MRPL50: variants seen among roughly 807,000 people sequenced by gnomAD.
MRPL50 encodes large ribosomal subunit protein mL50.
MRPL50 carries 10 observed loss-of-function variants against 16.2 expected under a neutral mutation model. That is an observed-to-expected ratio of 0.62 (90% CI 0.38 to 1.05). The LOEUF (loss-of-function observed/expected upper bound fraction) is 1.05. MRPL50 is among the 50% of genes least tolerant of loss of function. MRPL50 has a pLI of 0.01. For missense variants in MRPL50, 213 were observed against 187.1 expected (o/e 1.14, Z -0.81); for synonymous variants, 68 against 66.8 (o/e 1.02, Z -0.09).
rs902363423 is a variant in MRPL50 at position 101,387,652 on chromosome 9, T to C, written c.*2814A>G. Reference sequence around the variant, plus strand: ...CGTTAAGAAAGGAGGGAGGAGTTTATTTTATGCAGTTTAAAACATATATTA... The same window carrying C: ...CGTTAAGAAAGGAGGGAGGAGTTTACTTTATGCAGTTTAAAACATATATTA... On this transcript the variant is annotated 3_prime_UTR_variant, in exon 2 of 2. Transcript: ENST00000374865. 7 of 152,126 alleles carry C rather than the reference T, an allele frequency of 4.6e-5. No individual in the cohort carries two copies. Among genetic ancestry groups the C allele is most frequent in the African/African-American group, 1.4e-4 (6 of 41,440 alleles). The allele number at this position is 152,126 out of a possible 1,614,324, so 9.4% of individuals were successfully genotyped here.
Position 101,390,581 on chromosome 9 carries a change from C to A in MRPL50, c.362G>T (p.Cys121Phe), listed in dbSNP as rs770341173. The A allele has an allele frequency of 6.2e-7, 1 of 1,613,370 alleles. No homozygotes were observed. The highest frequency in any genetic ancestry group is 8.5e-7 in the Non-Finnish European group (1 of 1,179,560). The change falls in exon 2 of 2, where the codon TGC becomes TTC. Residue 121 changes from cysteine to phenylalanine, a missense_variant. Transcript: ENST00000374865. ...GAAATCAAGAACATCTCTAACCCTG[C>A]ACATCTGGTGGAGTCTGGAGTTAGG... ...VVPNSRLHQMCRVRDVLDFYN... is the reference protein window; with the variant it reads ...VVPNSRLHQMFRVRDVLDFYN...
intron 1 of MRPL50, among the ~76,000 whole-genome samples, chr9:101,397,199 C>T (rs1034653859): frequency 4.6e-5 from 7 of 151,812 alleles, no homozygotes; most frequent in African/African-American, 4.8e-5. Context: ...GGTGGCTCAC[C>T]CCTGGAATCC....
intron 1 of MRPL50, among the ~76,000 whole-genome samples, chr9:101,391,597 T>C (rs1225807137): frequency 6.6e-6 from 1 of 152,074 alleles, no homozygotes; most frequent in African/African-American, 2.4e-5. Flanking sequence ...AGAAGGTCAT[T>C]ACATAATCAT....
intron 1 of MRPL50, among the ~76,000 whole-genome samples, chr9:101,392,035 C>T (rs955192830): frequency 1.1e-4 from 17 of 151,892 alleles, no homozygotes; most frequent in African/African-American, 3.1e-4. Flanking sequence ...AACTATACAA[C>T]TACATAAAAA....
intron 1 of MRPL50, among the ~76,000 whole-genome samples, chr9:101,398,215 G>C (rs1830390552): frequency 6.6e-6 from 1 of 152,176 alleles, no homozygotes; most frequent in Non-Finnish European, 1.5e-5. Flanking sequence ...TCGGTGTCTC[G>C]CACACGAGGT....
Position 101,388,518 on chromosome 9 carries a change from T to C in MRPL50, c.*1948A>G, listed in dbSNP as rs774376484. 5.9e-5 allele frequency: 9 copies of C among 152,130 alleles called. No individual in the cohort carries two copies. Among genetic ancestry groups the C allele is most frequent in the Non-Finnish European group, 8.8e-5 (6 of 68,004 alleles). The allele number at this position is 152,130 out of a possible 1,614,324, so 9.4% of individuals were successfully genotyped here. A position where few individuals can be genotyped will look rare whatever the true frequency, so the allele number is the denominator to read the frequency against. On this transcript the variant is annotated 3_prime_UTR_variant, in exon 2 of 2. Transcript: ENST00000374865. ...GAAGCAGGACATACAGCAGGCCTTC[T>C]GTATGTAAACCCTTTAAAATTACAT...
In MRPL50 at chr9:101,390,412, G is replaced by C; in HGVS notation, c.*54C>G. 1 of 1,553,118 alleles carries C rather than the reference G, an allele frequency of 6.4e-7. No homozygotes were observed. The highest frequency in any genetic ancestry group is 1.8e-4 in the Middle Eastern group (1 of 5,710). ...AAAGTATCAAAAGATCTAATGAGCA[G>C]CCCCCTTGCTCAGGGAAAGACAGTG... On this transcript the variant is annotated 3_prime_UTR_variant, in exon 2 of 2. Coordinates refer to ENST00000374865, the MANE Select transcript of MRPL50 (RefSeq NM_019051.3).
chr9:101,396,556 T>C (rs1413033303), intron 1 of MRPL50, among the ~76,000 whole-genome samples: 1 of 152,180 alleles, frequency 6.6e-6, no homozygotes, highest in Non-Finnish European at 1.5e-5. Context: ...AAAAGGATAT[T>C]TGTAACACAT....
At chr9:101,396,914 C>G (rs2118147807) in intron 1 of MRPL50, among the ~76,000 whole-genome samples, 1 of 152,124 alleles carries the variant, frequency 6.6e-6, no homozygotes, top group African/African-American at 2.4e-5. Context: ...TGCACTCCAG[C>G]CTGGAGACAG....
At chr9:101,392,589 G>A (rs755580449) in intron 1 of MRPL50, among the ~76,000 whole-genome samples, 2 of 151,892 alleles carry the variant, frequency 1.3e-5, no homozygotes, top group African/African-American at 4.8e-5. Flanking sequence ...ATTGAATCAC[G>A]AAGAAAAAGA....
intron 1 of MRPL50, among the ~76,000 whole-genome samples, chr9:101,391,435 CCT>C (rs1830269221): frequency 6.6e-6 from 1 of 152,010 alleles, no homozygotes; most frequent in East Asian, 1.9e-4. Context: ...TGTATCACAT[CCT>C]ACCTGACTTT....
chr9:101,398,418 G>A (rs1588151337), intron 1 of MRPL50, 83 bp downstream of exon 1: 1 of 1,327,714 alleles, frequency 7.5e-7, no homozygotes. Flanking sequence ...GGACCACGAT[G>A]GCGTAACACT....
chr9:101,392,941 A>T (rs1469096552), intron 1 of MRPL50, among the ~76,000 whole-genome samples: 1 of 152,172 alleles, frequency 6.6e-6, no homozygotes, highest in East Asian at 1.9e-4. Flanking sequence ...ATGAGCACAG[A>T]TGCAAAAACC....
chr9:101,392,690 T>C (rs991046795), intron 1 of MRPL50, among the ~76,000 whole-genome samples: 1 of 152,152 alleles, frequency 6.6e-6, no homozygotes, highest in Non-Finnish European at 1.5e-5. Flanking sequence ...TACTGAACTC[T>C]AGCAAGCATT....
rs1263919537 is a variant in MRPL50, at chr9:101,388,544, C to G, written c.*1922G>C. 6.6e-6 allele frequency: 1 copy of G among 152,110 alleles called. No individual in the cohort carries two copies. Among genetic ancestry groups the G allele is most frequent in the East Asian group, 1.9e-4 (1 of 5,192 alleles). The allele number at this position is 152,110 out of a possible 1,614,324, so 9.4% of individuals were successfully genotyped here. A position where few individuals can be genotyped will look rare whatever the true frequency, so the allele number is the denominator to read the frequency against. Reference sequence around the variant, plus strand: ...GTATGTAAACCCTTTAAAATTACATCATATGTTTGATTATCTCATTCAACA... The same window carrying G: ...GTATGTAAACCCTTTAAAATTACATGATATGTTTGATTATCTCATTCAACA... On this transcript the variant is annotated 3_prime_UTR_variant, in exon 2 of 2. Transcript: ENST00000374865.
rs1477156259 is a variant in MRPL50, at chr9:101,398,559, T to C, written c.34A>G (p.Arg12Gly). The C allele has an allele frequency of 6.2e-7, 1 of 1,613,968 alleles. No individual in the cohort carries two copies. Among genetic ancestry groups the C allele is most frequent in the South Asian group, 1.1e-5 (1 of 91,092 alleles). Residue 12 changes from arginine to glycine, a missense_variant, in exon 1 of 2, where the codon AGA (arginine) becomes GGA (glycine). Arg to Gly is a moderately radical substitution (Grantham distance 125). Coordinates refer to ENST00000374865, the MANE Select transcript of MRPL50 (RefSeq NM_019051.3). ...AARSVSGITR[R>G]VFMWTVSGTP... Reference sequence around the variant, plus strand: ...CCTGAGACTGTCCACATGAAGACTCTTCTGGTAATGCCCGACACAGATCGC... The same window carrying C: ...CCTGAGACTGTCCACATGAAGACTCCTCTGGTAATGCCCGACACAGATCGC...
At chr9:101,397,941 G>A (rs999059215) in intron 1 of MRPL50, among the ~76,000 whole-genome samples, 1 of 152,228 alleles carries the variant, frequency 6.6e-6, no homozygotes, top group Non-Finnish European at 1.5e-5. Context: ...CTTGCTTTGT[G>A]ACTTTGGGAA....
chr9:101,389,586 T>C lies in MRPL50; in HGVS notation c.*880A>G. ...TCAGAACAATATAAGACATTCCTTCTGTCTCATTACTCTCCAGCCATATCT... is the reference window on the plus strand; with the variant it reads ...TCAGAACAATATAAGACATTCCTTCCGTCTCATTACTCTCCAGCCATATCT... On this transcript the variant is annotated 3_prime_UTR_variant, in exon 2 of 2. Transcript: ENST00000374865. 1 of 719,264 alleles carries C rather than the reference T, an allele frequency of 1.4e-6. No individual in the cohort carries two copies. The highest frequency in any genetic ancestry group is 1.7e-5 in the South Asian group (1 of 57,650). The allele number at this position is 719,264 out of a possible 1,614,324, so 44.6% of individuals were successfully genotyped here.
intron 1 of MRPL50, among the ~76,000 whole-genome samples, chr9:101,392,038 C>T (rs1830280322): frequency 6.6e-6 from 1 of 151,892 alleles, no homozygotes; most frequent in Non-Finnish European, 1.5e-5. Flanking sequence ...TATACAACTA[C>T]ATAAAAAATA....
Sources: allele counts gnomAD v4.1 joint callset (sites outside exome capture counted in the v4.1 genomes callset), GRCh38; gene constraint gnomAD v4.1.1; transcripts MANE v1.5; gene names NCBI Gene and HGNC (gene_info 2026-07-23, HGNC 2026-07-21).